Variants in PSD2 observed in about 807,000 individuals in gnomAD.
The protein encoded by PSD2 is PH and SEC7 domain-containing protein 2.
Under a neutral mutation model 69.8 loss-of-function variants are expected in PSD2, and 38 were observed. The ratio of observed to expected loss-of-function variants is 0.54; its 90% CI spans 0.42 to 0.71. The LOEUF (loss-of-function observed/expected upper bound fraction) is 0.71, where lower values mean the gene tolerates loss of function less well. Ranked by LOEUF, PSD2 falls within the 30% of genes least tolerant of loss-of-function variation. The pLI is 0.00. For synonymous variants in PSD2, 412 were observed against 423.0 expected (o/e 0.97, Z 0.32); for missense variants, 943 against 1,014.5 (o/e 0.93, Z 0.96).
the PSD2 span, chr5:139,742,692 G>C: frequency 6.5e-6 from 1 of 153,208 alleles, no homozygotes; most frequent in East Asian, 1.9e-4. Flanking sequence ...GAACGTGCAT[G>C]AGGATGTGTG....
the PSD2 span, among the ~76,000 whole-genome samples, chr5:139,770,471 T>G: frequency 1.3e-5 from 2 of 151,648 alleles, no homozygotes; most frequent in African/African-American, 2.4e-5. Context: ...GCAGGAGAAT[T>G]AGGAGAATTG....
intron 7 of PSD2, among the ~76,000 whole-genome samples, chr5:139,824,723 A>C (rs1760372360): frequency 6.6e-6 from 1 of 152,142 alleles, no homozygotes; most frequent in African/African-American, 2.4e-5. Flanking sequence ...CCCATGATAA[A>C]GTGCCAGTGT....
the PSD2 span, among the ~76,000 whole-genome samples, chr5:139,787,620 A>C: frequency 6.6e-6 from 1 of 152,140 alleles, no homozygotes; most frequent in Admixed American, 6.5e-5. Flanking sequence ...CAGTTTCCAA[A>C]AACACCAGCA....
the PSD2 span, among the ~76,000 whole-genome samples, chr5:139,753,348 C>T: frequency 6.6e-6 from 1 of 152,168 alleles, no homozygotes. Flanking sequence ...AACCTTGTTT[C>T]ATGCCCCTCC....
At chr5:139,748,519 A>C in the PSD2 span, among the ~76,000 whole-genome samples, 90 of 152,028 alleles carry the variant, frequency 5.9e-4, no homozygotes, top group African/African-American at 2.0e-3. Flanking sequence ...GTACTCCATC[A>C]TTTTCAAGCC....
the PSD2 span, among the ~76,000 whole-genome samples, chr5:139,756,809 G>A: frequency 1.3e-5 from 2 of 152,178 alleles, no homozygotes; most frequent in African/African-American, 2.4e-5. Flanking sequence ...CCCTGACTCA[G>A]TTTCCTCCGC....
the PSD2 span, among the ~76,000 whole-genome samples, chr5:139,779,737 G>A: frequency 6.6e-6 from 1 of 152,096 alleles, no homozygotes; most frequent in African/African-American, 2.4e-5. Context: ...CCATAGCTTA[G>A]TTTTGCTCAT....
In PSD2 at chr5:139,837,687, T is replaced by A; in HGVS notation, c.1728T>A (p.His576Gln). Residue 576 changes from histidine to glutamine, a missense_variant, in exon 12 of 15, where the codon CAT becomes CAA. By Grantham distance (24) the His-to-Gln change is conservative. Coordinates refer to ENST00000274710, the MANE Select transcript of PSD2 (RefSeq NM_032289.4). The surrounding 1 kb of genome is among the most constrained non-coding windows in gnomAD (Gnocchi z 5.0). Reference protein sequence around the residue: ...EGDLKNAIRVHHALATRASDY... With the variant: ...EGDLKNAIRVQHALATRASDY... ...ACCTGAAGAACGCCATTCGCGTGCA[T>A]CACGCTCTGGCCACCAGGGCCTCTG... The A allele has an allele frequency of 6.2e-7, 1 of 1,614,062 alleles. No individual in the cohort carries two copies. Among genetic ancestry groups the A allele is most frequent in the Non-Finnish European group, 8.5e-7 (1 of 1,179,948 alleles).
intron 4 of PSD2, 148 bp from the exon 5 acceptor site, chr5:139,817,333 G>C: frequency 4.4e-6 from 3 of 686,148 alleles, no homozygotes; most frequent in Non-Finnish European, 7.8e-6. Context: ...AAGGTTGAAT[G>C]TTATGGCCCA....
At chr5:139,830,579 T>G (rs1581733908) in intron 7 of PSD2, among the ~76,000 whole-genome samples, 1 of 135,710 alleles carries the variant, frequency 7.4e-6, no homozygotes, top group Non-Finnish European at 1.5e-5. Flanking sequence ...TCTTTCTTTC[T>G]TTCTTTCTTT....
At position 139,844,223 on chromosome 5, in the gene PSD2, G is replaced by A. The variant is rs1011928710; in HGVS notation, c.*1749G>A. On this transcript the variant is annotated 3_prime_UTR_variant, in exon 15 of 15. Transcript: ENST00000274710. ...CAGTGTCCCACCCTTCACTTCCCGA[G>A]GGCGGGTGAGTGGAGAGCAGAGCCA... The A allele has an allele frequency of 6.6e-6, 1 of 152,222 alleles. No individual in the cohort carries two copies. The highest frequency in any genetic ancestry group is 2.1e-4 in the South Asian group (1 of 4,828). 9.4% of individuals were successfully genotyped at this position (152,222 alleles called of 1,614,324 possible).
the PSD2 span, among the ~76,000 whole-genome samples, chr5:139,758,041 CA>C: frequency 6.6e-6 from 1 of 152,132 alleles, no homozygotes; most frequent in Non-Finnish European, 1.5e-5. Context: ...GACCCTATTT[CA>C]AAAACAAAAC....
the PSD2 span, among the ~76,000 whole-genome samples, chr5:139,772,115 C>T: frequency 1.3e-5 from 2 of 152,098 alleles, no homozygotes; most frequent in Non-Finnish European, 2.9e-5. Flanking sequence ...GAGGCCCTCT[C>T]CCTAGAGGCA....
the PSD2 span, among the ~76,000 whole-genome samples, chr5:139,767,913 G>T: frequency 3.3e-5 from 5 of 152,230 alleles, no homozygotes; most frequent in Non-Finnish European, 7.3e-5. Flanking sequence ...CCCCTACCAG[G>T]TCTAGTGCCT....
intron 1 of PSD2, among the ~76,000 whole-genome samples, chr5:139,808,913 C>T (rs922746716): frequency 2.0e-5 from 3 of 152,244 alleles, no homozygotes; most frequent in African/African-American, 7.2e-5. Flanking sequence ...GCCTAGTTAT[C>T]TCCATTAATC....
At position 139,815,486 on chromosome 5, in the gene PSD2, C is replaced by G. The variant is rs575994321; in HGVS notation, c.1016+1122C>G. ...AGCCAAAATTCTTGGATTTTCTGCCCAGGGTGGCCTCTATCCCCTTTCTTT... is the reference window on the plus strand; with the variant it reads ...AGCCAAAATTCTTGGATTTTCTGCCGAGGGTGGCCTCTATCCCCTTTCTTT... On this transcript the variant is annotated intron_variant, in intron 4 of 14. Coordinates refer to ENST00000274710, the MANE Select transcript of PSD2 (RefSeq NM_032289.4). Among the ~76,000 whole-genome samples, 12 of 152,268 alleles carry G rather than the reference C, an allele frequency of 7.9e-5. No individual in the cohort carries two copies. The East Asian group carries it at 2.1e-3, about 27-fold the overall frequency.
chr5:139,764,461 G>C, the PSD2 span, among the ~76,000 whole-genome samples: 1 of 152,186 alleles, frequency 6.6e-6, no homozygotes, highest in African/African-American at 2.4e-5. Context: ...TGTCCCGGGG[G>C]TCTGGCGGCG....
intron 7 of PSD2, among the ~76,000 whole-genome samples, chr5:139,827,508 G>C (rs1244125766): frequency 6.6e-6 from 1 of 152,214 alleles, no homozygotes; most frequent in Non-Finnish European, 1.5e-5. Flanking sequence ...CAGGGAAGTG[G>C]TTACTGATGG....
chr5:139,792,643 TG>T (rs1245947593), upstream of PSD2, among the ~76,000 whole-genome samples: 3 of 152,154 alleles, frequency 2.0e-5, no homozygotes, highest in Admixed American at 6.5e-5. Context: ...CCTTGAGGAA[TG>T]GGGGAAATAT....
Sources: gnomAD v4.1 joint callset for allele counts (sites outside exome capture counted in the v4.1 genomes callset) on GRCh38, gnomAD v4.1.1 for gene constraint, Gnocchi (gnomAD v3.1) non-coding constraint, MANE v1.5 for transcripts, NCBI Gene and HGNC (gene_info 2026-07-23, HGNC 2026-07-21) for gene names.